Variants in FBXO10 observed in about 807,000 individuals in gnomAD.
FBXO10 encodes F-box protein 10, also known as F-box only protein 10.
In FBXO10, 39 loss-of-function variants were observed where a neutral mutation model predicts 80.7. That is an observed-to-expected ratio of 0.48 (90% CI 0.37 to 0.63). FBXO10 has a LOEUF of 0.63. FBXO10 is among the 30% of genes least tolerant of loss of function. The pLI, the probability that FBXO10 is intolerant of heterozygous loss-of-function variation, is 0.00. For missense variants in FBXO10, 1,025 were observed against 1,269.0 expected, an observed-to-expected ratio of 0.81 and a Z score of 2.92; for synonymous variants, 449 against 489.6, an observed-to-expected ratio of 0.92 and a Z score of 1.09.
chr9:37,551,788 GT>G (rs1822204392), intron 1 of FBXO10, among the ~76,000 whole-genome samples: 2 of 152,114 alleles, frequency 1.3e-5, no homozygotes, highest in South Asian at 4.1e-4. Flanking sequence ...AGAACTGAGA[GT>G]TTTTCAAATC....
intron 3 of FBXO10, among the ~76,000 whole-genome samples, chr9:37,532,294 CTTTTTTTTTTTT>C (rs869146793): frequency 9.8e-6 from 1 of 102,414 alleles, no homozygotes; most frequent in African/African-American, 3.8e-5. Flanking sequence ...CACATTGGTT[CTTTTTTTTTTTT>C]TTTTTTTTTT....
chr9:37,512,760 GTGTGCAGTGCTGGCTGAA>G lies in FBXO10; in HGVS notation c.2697-57_2697-40del, dbSNP rs773957593. 3.8e-6 allele frequency: 6 copies of G among 1,594,998 alleles called. No homozygotes were observed. In the East Asian group the frequency reaches 1.3e-4, roughly 36 times the overall value. On this transcript the variant is annotated intron_variant, in intron 10 of 10. Transcript: ENST00000432825. ...ACGAAAGTCAGTGAACTTCTGAGGG[GTGTGCAGTGCTGGCTGAA>G]TGCCCTGCACAGTCTTAACTTGGGT... is the stretch of plus-strand genomic sequence containing the variant.
chr9:37,572,763 G>A (rs1014214501), intron 1 of FBXO10, among the ~76,000 whole-genome samples: 10 of 152,114 alleles, frequency 6.6e-5, no homozygotes, highest in Admixed American at 2.6e-4. Flanking sequence ...TGGTGATTAC[G>A]TGTGTATTTC....
At chr9:37,520,636 T>C (rs978659103) in intron 8 of FBXO10, among the ~76,000 whole-genome samples, 1 of 151,388 alleles carries the variant, frequency 6.6e-6, no homozygotes, top group Non-Finnish European at 1.5e-5. Flanking sequence ...AGTCCTGGGA[T>C]TACAGGCTTG....
At chr9:37,531,625 C>G (rs1478620053) in intron 4 of FBXO10, among the ~76,000 whole-genome samples, 1 of 152,180 alleles carries the variant, frequency 6.6e-6, no homozygotes, top group Non-Finnish European at 1.5e-5. Flanking sequence ...TTATCAAACT[C>G]AAAGCCAACC....
intron 1 of FBXO10, among the ~76,000 whole-genome samples, chr9:37,550,484 CT>C (rs1244919357): frequency 1.6e-3 from 194 of 120,380 alleles, no homozygotes; most frequent in Admixed American, 2.0e-3. Flanking sequence ...TGCACCTGGC[CT>C]TTTTTTTTTT....
At chr9:37,526,408 TTC>T (rs1554757564) in intron 5 of FBXO10, among the ~76,000 whole-genome samples, 1 of 152,162 alleles carries the variant, frequency 6.6e-6, no homozygotes, top group Non-Finnish European at 1.5e-5. Flanking sequence ...GCACAACCTA[TTC>T]TCTCAAGATG....
intron 6 of FBXO10, among the ~76,000 whole-genome samples, chr9:37,524,203 TTTCC>T (rs1267451999): frequency 6.6e-6 from 1 of 152,178 alleles, no homozygotes; most frequent in African/African-American, 2.4e-5. Flanking sequence ...CAGGGTCTGG[TTTCC>T]TTGTCACCTT....
chr9:37,512,364 A>G lies in FBXO10; in HGVS notation c.*183T>C. ...CTTCTATCCCTTCTCCCTGAAAAAC[A>G]TTGCCCACTTTCTTCTTGCTATGGG... On this transcript the variant is annotated 3_prime_UTR_variant, in exon 11 of 11. Transcript: ENST00000432825. 3.8e-6 allele frequency: 2 copies of G among 528,350 alleles called. No individual in the cohort carries two copies. The highest frequency in any genetic ancestry group is 6.5e-6 in the Non-Finnish European group (2 of 309,880). The allele number at this position is 528,350 out of a possible 1,614,324, so 32.7% of individuals were successfully genotyped here. A position where few individuals can be genotyped will look rare whatever the true frequency, so the allele number is the denominator to read the frequency against.
chr9:37,513,826 G>A (rs1821119822), intron 10 of FBXO10, among the ~76,000 whole-genome samples: 1 of 152,128 alleles, frequency 6.6e-6, no homozygotes, highest in Admixed American at 6.5e-5. Context: ...CCGACCTCAG[G>A]TGATCCACCC....
rs767738610 is a variant in FBXO10 at position 37,532,003 on chromosome 9, C to A, written c.1475G>T (p.Arg492Leu). The change falls in exon 4 of 11, where the codon CGC (arginine) becomes CTC (leucine). Residue 492 changes from arginine (R) to leucine (L), a missense_variant. By Grantham distance (102) the Arg-to-Leu change is moderately radical. This residue lies in a region of FBXO10 where 478 missense variants were observed against 667.8 expected (regional missense o/e 0.72). Coordinates refer to ENST00000432825, the MANE Select transcript of FBXO10 (RefSeq NM_012166.3). ...GGCAATCAAGCCACCGCCCTCCAAG[C>A]GAAGAAAGATGCCTGACGCTCGGCA... Reference protein sequence around the residue: ...YRCRASGIFLRLEGGGLIAGN... With the variant: ...YRCRASGIFLLLEGGGLIAGN... 6.2e-7 allele frequency: 1 copy of A among 1,613,834 alleles called. No homozygotes were observed. Among genetic ancestry groups the A allele is most frequent in the Non-Finnish European group, 8.5e-7 (1 of 1,179,868 alleles).
In FBXO10 at chr9:37,532,685, C is replaced by T. The variant is rs571826219; in HGVS notation, c.1420-627G>A. 5.9e-5 allele frequency among the ~76,000 whole-genome samples: 9 copies of T among 152,212 alleles called. No individual in the cohort carries two copies. In the South Asian group the frequency reaches 1.9e-3, roughly 32 times the overall value. ...AACTAAAACCTGGACCAAAGCTTGGCCCTGTGCTCTATATTCAGAACCTGC... is the reference window on the plus strand; with the variant it reads ...AACTAAAACCTGGACCAAAGCTTGGTCCTGTGCTCTATATTCAGAACCTGC... On this transcript the variant is annotated intron_variant, in intron 3 of 10. Transcript: ENST00000432825.
intron 1 of FBXO10, among the ~76,000 whole-genome samples, chr9:37,544,770 G>A (rs1406801234): frequency 4.6e-5 from 7 of 151,994 alleles, no homozygotes; most frequent in Non-Finnish European, 1.0e-4. Flanking sequence ...CGAGGTGGGC[G>A]GATCACGAGG....
chr9:37,526,253 A>G (rs1005208967), intron 5 of FBXO10, among the ~76,000 whole-genome samples: 17 of 152,192 alleles, frequency 1.1e-4, no homozygotes, highest in African/African-American at 4.1e-4. Context: ...CATATATAAC[A>G]TATAAAAAGA....
At chr9:37,551,326 G>A (rs1426339350) in intron 1 of FBXO10, among the ~76,000 whole-genome samples, 4 of 152,334 alleles carry the variant, frequency 2.6e-5, no homozygotes, top group African/African-American at 9.6e-5. Context: ...GGCTGGTGCT[G>A]TGTGCTGGTG....
rs1397443973 is a variant in FBXO10, at chr9:37,518,277, C to T, written c.2362G>A (p.Ala788Thr). 6.2e-7 allele frequency: 1 copy of T among 1,614,044 alleles called. No individual in the cohort carries two copies. Among genetic ancestry groups the T allele is most frequent in the East Asian group, 2.2e-5 (1 of 44,876 alleles). Reference protein sequence around the residue: ...CNRQSGVKVEAQCKVELRGNG... With the variant: ...CNRQSGVKVETQCKVELRGNG... ...CCCCGGAGCTCCACTTTGCACTGGGCCTCAACCTTGACCCCACTTTGCCGG... is the reference window on the plus strand; with the variant it reads ...CCCCGGAGCTCCACTTTGCACTGGGTCTCAACCTTGACCCCACTTTGCCGG... The change falls in exon 9 of 11, where the codon GCC (alanine) becomes ACC (threonine). Residue 788 changes from alanine (A) to threonine (T), a missense_variant. By Grantham distance (58) the Ala-to-Thr change is moderately conservative. This residue lies in a region of FBXO10 where 478 missense variants were observed against 667.8 expected (regional missense o/e 0.72). Coordinates refer to ENST00000432825, the MANE Select transcript of FBXO10 (RefSeq NM_012166.3).
chr9:37,575,292 G>A (rs1312294052), intron 1 of FBXO10, among the ~76,000 whole-genome samples: 1 of 152,110 alleles, frequency 6.6e-6, no homozygotes, highest in South Asian at 2.1e-4. Flanking sequence ...AGGCAAAGGG[G>A]GCCCAGAATG....
At chr9:37,559,946 T>C (rs1163178815) in intron 1 of FBXO10, among the ~76,000 whole-genome samples, 2 of 152,218 alleles carry the variant, frequency 1.3e-5, no homozygotes, top group Non-Finnish European at 2.9e-5. Context: ...TGAAAGAGCA[T>C]ATGAAACTCT....
intron 1 of FBXO10, among the ~76,000 whole-genome samples, chr9:37,561,993 C>A (rs10116329): frequency 6.6e-6 from 1 of 152,102 alleles, no homozygotes; most frequent in East Asian, 1.9e-4. Context: ...AACATCTCAA[C>A]GGCATGACAT....
Sources: allele counts gnomAD v4.1 joint callset (sites outside exome capture counted in the v4.1 genomes callset), GRCh38; gene constraint gnomAD v4.1.1; regional missense constraint gnomAD v4.1.1; transcripts MANE v1.5; gene names NCBI Gene and HGNC (gene_info 2026-07-23, HGNC 2026-07-21).